CNTNAP4: variants seen among roughly 807,000 people sequenced by gnomAD.
CNTNAP4 encodes the protein contactin-associated protein-like 4.
A neutral mutation model predicts 148.4 loss-of-function variants in CNTNAP4; 98 were observed. The observed-to-expected ratio is 0.66, with a 90% CI of 0.56 to 0.78. The LOEUF is 0.78. Among genes scored for constraint, CNTNAP4 ranks in the 30% least tolerant of loss-of-function variants. CNTNAP4 has a pLI of 0.00. For missense variants in CNTNAP4, 1,935 were observed against 1,565.6 expected (o/e 1.24, Z -3.98); for synonymous variants, 730 against 565.1 (o/e 1.29, Z -4.14).
chr16:76,385,547 AGT>A (rs3035895), intron 3 of CNTNAP4, among the ~76,000 whole-genome samples: 56,618 of 148,712 alleles, frequency 0.38, 10,752 homozygotes, highest in South Asian at 0.42. Context: ...TTTAATTAGA[AGT>A]GTGTGTGTGT....
chr16:76,368,509 C>T (rs2014419253), intron 3 of CNTNAP4, among the ~76,000 whole-genome samples: 1 of 152,140 alleles, frequency 6.6e-6, no homozygotes, highest in African/African-American at 2.4e-5. Context: ...AAAATGAGTT[C>T]ATGTCCTTTG....
intron 7 of CNTNAP4, 29 bp from the exon 8 acceptor site, chr16:76,452,479 G>C: frequency 6.2e-7 from 1 of 1,611,282 alleles, no homozygotes. Context: ...ATAACATTCT[G>C]AAAGCTTTTT....
At chr16:76,438,128 C>G (rs529294514) in intron 4 of CNTNAP4, among the ~76,000 whole-genome samples, 1 of 152,094 alleles carries the variant, frequency 6.6e-6, no homozygotes, top group African/African-American at 2.4e-5. Flanking sequence ...GAAGTGGGGA[C>G]AGAGGTCAGA....
At chr16:76,394,946 C>T (rs1236403966) in intron 3 of CNTNAP4, among the ~76,000 whole-genome samples, 2 of 152,100 alleles carry the variant, frequency 1.3e-5, no homozygotes, top group African/African-American at 2.4e-5. Context: ...CTTTTACCAC[C>T]GTGATACCAG....
At chr16:76,425,107 C>G (rs2079336422) in intron 3 of CNTNAP4, among the ~76,000 whole-genome samples, 1 of 152,094 alleles carries the variant, frequency 6.6e-6, no homozygotes, top group Admixed American at 6.5e-5. Context: ...GTCTGGTTAT[C>G]AGAGTCCAAA....
At chr16:76,328,421 A>G (rs921220384) in intron 2 of CNTNAP4, among the ~76,000 whole-genome samples, 8 of 152,230 alleles carry the variant, frequency 5.3e-5, no homozygotes, top group Admixed American at 2.6e-4. Flanking sequence ...TGAAACGGTC[A>G]TAACCAAAAG....
At chr16:76,389,111 G>T (rs999534738) in intron 3 of CNTNAP4, among the ~76,000 whole-genome samples, 2 of 152,082 alleles carry the variant, frequency 1.3e-5, no homozygotes, top group African/African-American at 4.8e-5. Flanking sequence ...TGTCACTGTA[G>T]GAAATAAGGA....
chr16:76,279,523 C>A (rs554576674), intron 1 of CNTNAP4, among the ~76,000 whole-genome samples: 33 of 152,238 alleles, frequency 2.2e-4, no homozygotes, highest in Admixed American at 1.0e-3. Flanking sequence ...TGGTTGGATC[C>A]CTCACTGACA....
intron 1 of CNTNAP4, among the ~76,000 whole-genome samples, chr16:76,310,112 T>C (rs13339334): frequency 0.27 from 40,942 of 151,912 alleles, 6,180 homozygotes; most frequent in Non-Finnish European, 0.35. Context: ...AGGTTCTGTT[T>C]TTTGCATGCA....
At chr16:76,385,708 C>T (rs1446426060) in intron 3 of CNTNAP4, among the ~76,000 whole-genome samples, 1 of 152,026 alleles carries the variant, frequency 6.6e-6, no homozygotes, top group Non-Finnish European at 1.5e-5. Flanking sequence ...ATATTTTTGT[C>T]CACCCATCAA....
At chr16:76,549,896 G>C (rs948488830) in intron 21 of CNTNAP4, among the ~76,000 whole-genome samples, 23 of 152,192 alleles carry the variant, frequency 1.5e-4, no homozygotes, top group Admixed American at 1.1e-3. Flanking sequence ...AACAGCAGTA[G>C]TGTGCAGATT....
At chr16:76,296,557 A>G (rs1959321851) in intron 1 of CNTNAP4, among the ~76,000 whole-genome samples, 1 of 152,162 alleles carries the variant, frequency 6.6e-6, no homozygotes, top group African/African-American at 2.4e-5. Context: ...AACATTTACC[A>G]AGTGCCTGCC....
At chr16:76,302,820 C>T (rs1207082918) in intron 1 of CNTNAP4, among the ~76,000 whole-genome samples, 1 of 80,726 alleles carries the variant, frequency 1.2e-5, no homozygotes, top group East Asian at 2.0e-4. Flanking sequence ...CTGAGGGGCT[C>T]ACACACCACA....
intron 3 of CNTNAP4, among the ~76,000 whole-genome samples, chr16:76,398,596 G>A (rs1452541325): frequency 6.6e-6 from 1 of 151,974 alleles, no homozygotes; most frequent in African/African-American, 2.4e-5. Flanking sequence ...CTAGGTAGTA[G>A]GGTATACAAA....
intron 3 of CNTNAP4, among the ~76,000 whole-genome samples, chr16:76,381,245 CA>C (rs2015935901): frequency 6.6e-6 from 1 of 152,128 alleles, no homozygotes; most frequent in South Asian, 2.1e-4. Context: ...GCAGCTCTTG[CA>C]GCTCTTGGAG....
chr16:76,422,368 T>TTATA (rs2079221912), intron 3 of CNTNAP4, among the ~76,000 whole-genome samples: 2 of 151,564 alleles, frequency 1.3e-5, no homozygotes, highest in Non-Finnish European at 2.9e-5. Flanking sequence ...TATCATTTAT[T>TTATA]TTTGACTCCA....
intron 17 of CNTNAP4, among the ~76,000 whole-genome samples, chr16:76,524,983 A>T (rs1346611719): frequency 1.3e-5 from 2 of 152,058 alleles, no homozygotes. Flanking sequence ...GAAAAAAAAA[A>T]CACTTGTAGT....
At position 76,429,964 on chromosome 16, in the gene CNTNAP4, T is replaced by C. The variant is rs150327082; in HGVS notation, c.538+2365T>C. Among the ~76,000 whole-genome samples, 148 of 152,270 alleles carry C rather than the reference T, an allele frequency of 9.7e-4. 1 individual carries two copies. The highest frequency in any genetic ancestry group is 3.4e-3 in the Middle Eastern group (1 of 294). ...ATGATGGTTGTGTAACTTTAAACCA[T>C]TATTAAAGGAGAAAAAGTAATAAAC... is the stretch of plus-strand genomic sequence containing the variant. On this transcript the variant is annotated intron_variant, in intron 4 of 23. Coordinates refer to ENST00000611870, the MANE Select transcript of CNTNAP4 (RefSeq NM_033401.5).
chr16:76,471,316 A>G (rs2081365452), intron 10 of CNTNAP4, among the ~76,000 whole-genome samples: 1 of 152,194 alleles, frequency 6.6e-6, no homozygotes. Context: ...TAAGACAACA[A>G]TTCTTACAAA....
Sources: gnomAD v4.1 joint callset for allele counts (sites outside exome capture counted in the v4.1 genomes callset) on GRCh38, gnomAD v4.1.1 for gene constraint, MANE v1.5 for transcripts, NCBI Gene and HGNC (gene_info 2026-07-23, HGNC 2026-07-21) for gene names.